The following ZBTB46 variants were observed in gnomAD, a reference collection of about 807,000 sequenced individuals.
ZBTB46 encodes the protein zinc finger and BTB domain-containing protein 46.
Under a neutral mutation model 44.1 loss-of-function variants are expected in ZBTB46, and 8 were observed. That is an observed-to-expected ratio of 0.18 (90% CI 0.11 to 0.33). ZBTB46 has a LOEUF of 0.33. Ranked by LOEUF, ZBTB46 falls within the 10% of genes least tolerant of loss-of-function variation. ZBTB46 has a pLI of 1.00. For synonymous variants in ZBTB46, 409 were observed against 382.3 expected, an observed-to-expected ratio of 1.07 and a Z score of -0.81; for missense variants, 651 against 847.7, an observed-to-expected ratio of 0.77 and a Z score of 2.88.
At position 63,748,997 on chromosome 20, in the gene ZBTB46, C is replaced by T. The variant is rs143575394; in HGVS notation, c.1399-1696G>A. Among the ~76,000 whole-genome samples the T allele has an allele frequency of 4.9e-3, 739 of 152,336 alleles. 6 individuals carry two copies. Among genetic ancestry groups the T allele is most frequent in the Admixed American group, 5.4e-3 (82 of 15,310 alleles). On this transcript the variant is annotated intron_variant, in intron 4 of 4. Coordinates refer to ENST00000245663, the MANE Select transcript of ZBTB46 (RefSeq NM_001369741.1). Reference sequence around the variant, plus strand: ...TTACGTACTTCCTGCCTCAGTGTTCCGAATCCACAGGCCGACAGGCCACCC... The same window carrying T: ...TTACGTACTTCCTGCCTCAGTGTTCTGAATCCACAGGCCGACAGGCCACCC...
intron 1 of ZBTB46, among the ~76,000 whole-genome samples, chr20:63,800,703 AGGGTGTCCGCCAGCAGTGCCG>A (rs2092637372): frequency 6.6e-6 from 1 of 152,214 alleles, no homozygotes; most frequent in African/African-American, 2.4e-5. Context: ...GCAGCTGCGG[AGGGTGTCCGCCAGCAGTGCCG>A]GCCCACCGGC....
At chr20:63,794,551 A>T (rs907397952) in intron 1 of ZBTB46, among the ~76,000 whole-genome samples, 1 of 152,190 alleles carries the variant, frequency 6.6e-6, no homozygotes, top group Admixed American at 6.5e-5. Context: ...GAATACACAT[A>T]ATCTCTCTAA....
intron 3 of ZBTB46, among the ~76,000 whole-genome samples, chr20:63,766,046 GC>G (rs2092317846): frequency 6.6e-6 from 1 of 151,938 alleles, no homozygotes; most frequent in African/African-American, 2.4e-5. Flanking sequence ...AAGCTGTCAT[GC>G]GGCCTCTGAT....
intron 1 of ZBTB46, among the ~76,000 whole-genome samples, chr20:63,806,487 G>A (rs1333425894): frequency 6.6e-6 from 1 of 151,468 alleles, no homozygotes; most frequent in Non-Finnish European, 1.5e-5. Flanking sequence ...TTTTAAATCT[G>A]AGATACTGCT....
Position 63,746,892 on chromosome 20 carries a change from C to T in ZBTB46, c.*38G>A, listed in dbSNP as rs527430132. 2.3e-5 allele frequency: 34 copies of T among 1,480,526 alleles called. No individual in the cohort carries two copies. The highest frequency in any genetic ancestry group is 1.9e-4 in the South Asian group (14 of 73,780). 91.7% of individuals were successfully genotyped at this position (1,480,526 alleles called of 1,614,324 possible). A position where few individuals can be genotyped will look rare whatever the true frequency, so the allele number is the denominator to read the frequency against. ...CCCACCGGACACACACACGGGTGGA[C>T]GGAGCGAGGCAGCCACCGACCCTGC... On this transcript the variant is annotated 3_prime_UTR_variant, in exon 5 of 5. Coordinates refer to ENST00000245663, the MANE Select transcript of ZBTB46 (RefSeq NM_001369741.1).
At chr20:63,776,021 G>A in intron 2 of ZBTB46, 59 bp from the exon 3 acceptor site, 3 of 1,488,564 alleles carry the variant, frequency 2.0e-6, no homozygotes, top group Non-Finnish European at 2.7e-6. Flanking sequence ...CTCCAAGTGG[G>A]ACAGGCGACA....
Position 63,767,072 on chromosome 20 carries a change from G to A in ZBTB46, c.1222+8606C>T, listed in dbSNP as rs1381846983. 1.3e-5 allele frequency among the ~76,000 whole-genome samples: 2 copies of A among 152,242 alleles called. No individual in the cohort carries two copies. The highest frequency in any genetic ancestry group is 2.4e-5 in the African/African-American group (1 of 41,468). ...GAACCTAACACGTCCGACGAGGACG[G>A]GCAAGGGCACCGCGGGGCGCTCTTT... On this transcript the variant is annotated intron_variant, in intron 3 of 4. Transcript: ENST00000245663. The surrounding 1 kb of genome is among the most constrained non-coding windows in gnomAD (Gnocchi z 5.0).
intron 1 of ZBTB46, among the ~76,000 whole-genome samples, chr20:63,827,951 C>T (rs761445141): frequency 2.0e-5 from 3 of 152,222 alleles, no homozygotes; most frequent in Non-Finnish European, 4.4e-5. Context: ...GACAAGGCCT[C>T]GCTCTGTTGC....
intron 1 of ZBTB46, among the ~76,000 whole-genome samples, chr20:63,823,858 T>TTC (rs144086739): frequency 2.3e-4 from 33 of 144,812 alleles, no homozygotes; most frequent in African/African-American, 7.8e-4. Context: ...TCTAGGAACC[T>TTC]TGTGTGTGTG....
chr20:63,768,792 T>G (rs949729513), intron 3 of ZBTB46, among the ~76,000 whole-genome samples: 2 of 151,942 alleles, frequency 1.3e-5, no homozygotes, highest in Non-Finnish European at 2.9e-5. Flanking sequence ...CCACCAGGGC[T>G]CTGTGAGGCT....
intron 1 of ZBTB46, among the ~76,000 whole-genome samples, chr20:63,792,423 A>ATGGGGC (rs1555849421): frequency 2.6e-5 from 4 of 151,586 alleles, no homozygotes; most frequent in African/African-American, 7.3e-5. Flanking sequence ...CTCATGGGGG[A>ATGGGGC]CGGGGTCGGG....
At chr20:63,776,523 G>T (rs905582768) in intron 2 of ZBTB46, among the ~76,000 whole-genome samples, 6 of 152,238 alleles carry the variant, frequency 3.9e-5, no homozygotes, top group African/African-American at 1.4e-4. Context: ...AGAAAGTGAC[G>T]CCGGGTGCGG....
intron 1 of ZBTB46, among the ~76,000 whole-genome samples, chr20:63,795,892 CCT>C (rs1331297242): frequency 2.0e-5 from 3 of 152,200 alleles, no homozygotes; most frequent in African/African-American, 7.2e-5. Context: ...CATCCCAAAT[CCT>C]CTCTCCAACA....
intron 1 of ZBTB46, among the ~76,000 whole-genome samples, chr20:63,829,129 C>T (rs2092834728): frequency 6.6e-6 from 1 of 152,210 alleles, no homozygotes; most frequent in African/African-American, 2.4e-5. Context: ...TACCTCCTGA[C>T]CTCTGTGACC....
intron 1 of ZBTB46, among the ~76,000 whole-genome samples, chr20:63,796,155 T>C (rs1050483626): frequency 2.6e-5 from 4 of 152,220 alleles, no homozygotes; most frequent in Non-Finnish European, 5.9e-5. Context: ...AGACTGGGGT[T>C]ATTTTTCCCC....
intron 1 of ZBTB46, among the ~76,000 whole-genome samples, chr20:63,798,718 C>T (rs535452668): frequency 8.4e-4 from 109 of 129,632 alleles, no homozygotes; most frequent in African/African-American, 3.1e-3. Flanking sequence ...TAGTGCACAC[C>T]TGTGAGTCCC....
At chr20:63,820,812 TC>T (rs2092787663) in intron 1 of ZBTB46, among the ~76,000 whole-genome samples, 1 of 152,006 alleles carries the variant, frequency 6.6e-6, no homozygotes, top group East Asian at 1.9e-4. Context: ...CACTGCAATC[TC>T]TGCTTCCCAG....
At chr20:63,794,258 C>G (rs961600726) in intron 1 of ZBTB46, among the ~76,000 whole-genome samples, 2 of 152,048 alleles carry the variant, frequency 1.3e-5, no homozygotes, top group African/African-American at 4.8e-5. Flanking sequence ...GTGGCACGAT[C>G]TCGGCTCACG....
At chr20:63,755,093 C>T (rs1004636732) in intron 3 of ZBTB46, among the ~76,000 whole-genome samples, 4 of 152,204 alleles carry the variant, frequency 2.6e-5, no homozygotes, top group Non-Finnish European at 5.9e-5. Flanking sequence ...CAGGACTCAG[C>T]GTTAATAACC....
Sources: gnomAD v4.1 joint callset for allele counts (sites outside exome capture counted in the v4.1 genomes callset) on GRCh38, gnomAD v4.1.1 for gene constraint, Gnocchi (gnomAD v3.1) non-coding constraint, MANE v1.5 for transcripts, NCBI Gene and HGNC (gene_info 2026-07-23, HGNC 2026-07-21) for gene names.